Variants in GRM8 observed in about 807,000 individuals in gnomAD.
GRM8 encodes the protein glutamate metabotropic receptor 8, also known as metabotropic glutamate receptor 8.
A neutral mutation model predicts 87.2 loss-of-function variants in GRM8; 47 were observed. The ratio of observed to expected loss-of-function variants is 0.54; its 90% CI spans 0.43 to 0.69. The LOEUF (loss-of-function observed/expected upper bound fraction) is 0.69. GRM8 is among the 30% of genes least tolerant of loss of function. The pLI is 0.00. For missense variants in GRM8, 1,019 were observed against 1,139.2 expected, an observed-to-expected ratio of 0.89 and a Z score of 1.52; for synonymous variants, 396 against 404.5, an observed-to-expected ratio of 0.98 and a Z score of 0.25.
chr7:126,697,561 T>C (rs562624515), intron 7 of GRM8, among the ~76,000 whole-genome samples: 1 of 152,274 alleles, frequency 6.6e-6, no homozygotes, highest in African/African-American at 2.4e-5. Context: ...TAATGCACTT[T>C]TATTGCCTGG....
intron 7 of GRM8, 103 bp downstream of exon 7, chr7:126,769,762 T>C: frequency 1.4e-6 from 1 of 713,098 alleles, no homozygotes; most frequent in Non-Finnish European, 2.5e-6. Context: ...GAACTGCTTC[T>C]AATCCTGTGT....
chr7:126,655,129 C>A (rs766191901), intron 7 of GRM8, among the ~76,000 whole-genome samples: 3 of 152,146 alleles, frequency 2.0e-5, no homozygotes, highest in Admixed American at 6.5e-5. Flanking sequence ...ATTGATTCTG[C>A]GTAAAGGTGC....
At chr7:126,568,946 C>A (rs958260119) in intron 8 of GRM8, among the ~76,000 whole-genome samples, 8 of 151,714 alleles carry the variant, frequency 5.3e-5, no homozygotes, top group Non-Finnish European at 1.0e-4. Context: ...CAAGGAAAAT[C>A]AAAAAGAAAA....
intron 7 of GRM8, among the ~76,000 whole-genome samples, chr7:126,717,883 C>G (rs186969256): frequency 1.3e-5 from 2 of 152,122 alleles, no homozygotes; most frequent in African/African-American, 4.8e-5. Flanking sequence ...AGGAGTAACT[C>G]TTTCATAAGT....
At chr7:126,899,385 C>T (rs536929082) in intron 6 of GRM8, among the ~76,000 whole-genome samples, 1 of 152,132 alleles carries the variant, frequency 6.6e-6, no homozygotes, top group Non-Finnish European at 1.5e-5. Flanking sequence ...CTGCTGTTCA[C>T]GCACCTACAC....
chr7:126,439,283 G>A, intron 10 of GRM8, 115 bp from the exon 11 acceptor site: 1 of 692,264 alleles, frequency 1.4e-6, no homozygotes, highest in South Asian at 1.6e-5. Flanking sequence ...AGCTTTTACA[G>A]CATGTTACTC....
intron 3 of GRM8, among the ~76,000 whole-genome samples, chr7:126,989,553 C>T (rs1812428670): frequency 6.6e-6 from 1 of 152,164 alleles, no homozygotes; most frequent in Non-Finnish European, 1.5e-5. Context: ...GGGTCAGGTT[C>T]TTGTTCCTCT....
At chr7:126,731,128 T>G (rs1212557123) in intron 7 of GRM8, among the ~76,000 whole-genome samples, 2 of 152,140 alleles carry the variant, frequency 1.3e-5, no homozygotes, top group Non-Finnish European at 1.5e-5. Context: ...AAGAAATGTA[T>G]ATAAAAGATT....
At chr7:127,231,625 G>C (rs1797688427) in intron 2 of GRM8, among the ~76,000 whole-genome samples, 1 of 152,102 alleles carries the variant, frequency 6.6e-6, no homozygotes. Flanking sequence ...ATAGGAATTA[G>C]TGTCATGTCA....
At chr7:127,083,963 T>C (rs1161282498) in intron 3 of GRM8, among the ~76,000 whole-genome samples, 4 of 152,122 alleles carry the variant, frequency 2.6e-5, no homozygotes, top group Non-Finnish European at 5.9e-5. Context: ...CCTGACAACA[T>C]ACTACCCGGA....
chr7:126,575,214 T>C (rs76714271), intron 8 of GRM8, among the ~76,000 whole-genome samples: 79 of 150,984 alleles, frequency 5.2e-4, no homozygotes, highest in Middle Eastern at 6.8e-3. Context: ...CAGATTCTCA[T>C]AGGAGTGTGA....
intron 8 of GRM8, among the ~76,000 whole-genome samples, chr7:126,589,143 C>T (rs1319238574): frequency 6.6e-6 from 1 of 152,152 alleles, no homozygotes; most frequent in African/African-American, 2.4e-5. Flanking sequence ...GAGAGTGAAT[C>T]CAGAGTGCAG....
At chr7:127,211,257 T>C (rs1587285025) in intron 2 of GRM8, among the ~76,000 whole-genome samples, 1 of 152,286 alleles carries the variant, frequency 6.6e-6, no homozygotes, top group East Asian at 1.9e-4. Context: ...GTCAAAAGCC[T>C]GAGAGCCCCT....
At chr7:127,046,847 G>A (rs1167173923) in intron 3 of GRM8, among the ~76,000 whole-genome samples, 3 of 152,008 alleles carry the variant, frequency 2.0e-5, no homozygotes, top group South Asian at 2.1e-4. Flanking sequence ...AAATAGCAAC[G>A]TTCCTGTCTT....
At chr7:126,799,509 G>C (rs1315195076) in intron 6 of GRM8, among the ~76,000 whole-genome samples, 2 of 152,060 alleles carry the variant, frequency 1.3e-5, no homozygotes, top group South Asian at 4.1e-4. Context: ...TCAGACAACC[G>C]ATTTTAAACA....
At chr7:127,086,920 G>T (rs1204891426) in intron 3 of GRM8, among the ~76,000 whole-genome samples, 1 of 152,220 alleles carries the variant, frequency 6.6e-6, no homozygotes, top group East Asian at 1.9e-4. Context: ...TCATGCTGCT[G>T]AGATAAAGAC....
intron 7 of GRM8, among the ~76,000 whole-genome samples, chr7:126,729,227 A>G (rs991319320): frequency 3.9e-5 from 6 of 152,164 alleles, no homozygotes; most frequent in Admixed American, 3.3e-4. Context: ...CTCAGTCACC[A>G]TTCCAGAGTG....
intron 6 of GRM8, among the ~76,000 whole-genome samples, chr7:126,850,012 C>CG (rs1797072482): frequency 2.6e-5 from 4 of 152,126 alleles, no homozygotes. Context: ...CCAGTTATTG[C>CG]TTTTTCTCTT....
At chr7:126,470,182 T>TTTTTA (rs1284995717) in intron 9 of GRM8, among the ~76,000 whole-genome samples, 1 of 152,100 alleles carries the variant, frequency 6.6e-6, no homozygotes, top group East Asian at 1.9e-4. Flanking sequence ...GAATTTCTTT[T>TTTTTA]TTTTATTTTA....
Sources: allele counts gnomAD v4.1 joint callset (sites outside exome capture counted in the v4.1 genomes callset), GRCh38; gene constraint gnomAD v4.1.1; transcripts MANE v1.5; gene names NCBI Gene and HGNC (gene_info 2026-07-23, HGNC 2026-07-21).